The following FGF13 variants were observed in gnomAD, a reference collection of about 807,000 sequenced individuals.
The protein encoded by FGF13 is fibroblast growth factor 13.
In FGF13, 2 loss-of-function variants were observed where a neutral mutation model predicts 19.5. The observed-to-expected ratio is 0.10, with a 90% CI of 0.04 to 0.32. FGF13 has a LOEUF of 0.32. FGF13 is among the 10% of genes least tolerant of loss of function. The pLI is 1.00. For missense variants in FGF13, 113 were observed against 192.7 expected (o/e 0.59, Z 2.45); for synonymous variants, 72 against 76.9 (o/e 0.94, Z 0.33).
At chrX:138,805,228 A>C (rs1729453301) in intron 3 of FGF13, among the ~76,000 whole-genome samples, 1 of 111,867 alleles carries the variant, frequency 8.9e-6, no homozygotes, top group Non-Finnish European at 1.9e-5. Flanking sequence ...AACTTGGGGA[A>C]AATAAATATA....
At chrX:138,961,531 G>T (rs143977343) in intron 1 of FGF13, among the ~76,000 whole-genome samples, 2,251 of 111,690 alleles carry the variant, frequency 0.02, 63 homozygotes, top group African/African-American at 0.07. Flanking sequence ...AAAGCTGTCA[G>T]ACAGGGACGT....
At chrX:139,054,183 C>G (rs747925073) in intron 1 of FGF13, among the ~76,000 whole-genome samples, 3 of 89,845 alleles carry the variant, frequency 3.3e-5, no homozygotes, top group African/African-American at 1.3e-4. Context: ...AGTGCAGTGG[C>G]GCGATCTCGG....
At chrX:138,950,165 A>G (rs997738600) in intron 1 of FGF13, among the ~76,000 whole-genome samples, 1 of 112,121 alleles carries the variant, frequency 8.9e-6, no homozygotes, top group Non-Finnish European at 1.9e-5. Context: ...TCAGAAATGC[A>G]TTGAATCAAT....
chrX:139,075,152 C>T (rs1342554728), intron 1 of FGF13, among the ~76,000 whole-genome samples: 2 of 111,920 alleles, frequency 1.8e-5, no homozygotes, highest in East Asian at 2.8e-4. Context: ...ACAAAATGAT[C>T]GTTAGTTAAG....
chrX:138,846,393 G>T (rs1009204427), intron 3 of FGF13, among the ~76,000 whole-genome samples: 1 of 111,583 alleles, frequency 9.0e-6, no homozygotes, highest in African/African-American at 3.3e-5. Context: ...AGTCCTCTGT[G>T]AAGGTTTTAC....
At chrX:138,637,897 T>C (rs1056449519) in intron 3 of FGF13, among the ~76,000 whole-genome samples, 4 of 111,603 alleles carry the variant, frequency 3.6e-5, no homozygotes, top group Non-Finnish European at 5.7e-5. Context: ...AGAATAATAT[T>C]TGAAGCACAG....
chrX:138,772,404 A>C (rs758296027), intron 3 of FGF13, among the ~76,000 whole-genome samples: 218 of 109,452 alleles, frequency 2.0e-3, no homozygotes, highest in African/African-American at 6.5e-3. Context: ...AAAAGGGGAC[A>C]CCCGTACCTT....
chrX:138,700,447 T>C (rs757294240), intron 3 of FGF13, among the ~76,000 whole-genome samples: 1 of 111,255 alleles, frequency 9.0e-6, no homozygotes, highest in Non-Finnish European at 1.9e-5. Context: ...AACATGATAT[T>C]TCATTAAGCT....
At chrX:139,145,767 T>C (rs1321349412) in intron 1 of FGF13, among the ~76,000 whole-genome samples, 1 of 111,112 alleles carries the variant, frequency 9.0e-6, no homozygotes, top group Non-Finnish European at 1.9e-5. Context: ...CTTTCCTAGA[T>C]CCCAACACCC....
intron 1 of FGF13, among the ~76,000 whole-genome samples, chrX:138,945,588 G>A (rs1005989898): frequency 2.7e-5 from 3 of 111,848 alleles, no homozygotes; most frequent in African/African-American, 9.8e-5. Context: ...TTAACCCTTT[G>A]TCAGGGAAGT....
Position 138,646,889 on chromosome X carries a change from A to G in FGF13, c.403-11234T>C, listed in dbSNP as rs1322976693. ...GAAATACAAAGCGGAGAAAGACAAC[A>G]GAGAGTGAAAACACAGAAAGTTAAA... On this transcript the variant is annotated intron_variant, in intron 3 of 4. Transcript: ENST00000315930. Among the ~76,000 whole-genome samples, 3 of 111,972 alleles carry G rather than the reference A, an allele frequency of 2.7e-5. No individual in the cohort carries two copies. The Admixed American group carries it at 2.9e-4, about 11-fold the overall frequency.
At chrX:138,846,470 T>C (rs1348612217) in intron 3 of FGF13, among the ~76,000 whole-genome samples, 1 of 111,655 alleles carries the variant, frequency 9.0e-6, no homozygotes, top group African/African-American at 3.3e-5. Flanking sequence ...ATAATTTCAA[T>C]ATGGATGTGT....
upstream of FGF13, among the ~76,000 whole-genome samples, chrX:138,742,850 C>G (rs1387388825): frequency 8.9e-6 from 1 of 111,819 alleles, no homozygotes; most frequent in East Asian, 2.8e-4. Context: ...TTTAAAATGT[C>G]TGCAGAAGCC....
At chrX:138,911,129 G>C (rs969413690) in intron 1 of FGF13, among the ~76,000 whole-genome samples, 26 of 111,573 alleles carry the variant, frequency 2.3e-4, no homozygotes, top group African/African-American at 8.5e-4. Flanking sequence ...GTCAATAAAG[G>C]AGCAATTATC....
chrX:138,894,716 C>T (rs930944685), intron 1 of FGF13, among the ~76,000 whole-genome samples: 23 of 110,832 alleles, frequency 2.1e-4, no homozygotes, highest in African/African-American at 6.6e-4. Context: ...GATTCACAGC[C>T]GAATTCTACC....
At chrX:138,942,785 T>A (rs916287140) in intron 1 of FGF13, among the ~76,000 whole-genome samples, 1 of 111,706 alleles carries the variant, frequency 9.0e-6, no homozygotes, top group African/African-American at 3.3e-5. Flanking sequence ...ACAAGAAAAA[T>A]ACAACTGGGG....
rs189562846 is a variant in FGF13 at position 139,052,516 on chromosome X, C to T, written c.-113+150900G>A. 6.0e-3 allele frequency among the ~76,000 whole-genome samples: 673 copies of T among 112,016 alleles called. 2 individuals carry two copies. The highest frequency in any genetic ancestry group is 9.4e-3 in the Non-Finnish European group (502 of 53,159). On this transcript the variant is annotated intron_variant, in intron 1 of 2. Coordinates refer to the FGF13 transcript ENST00000421460. ...ACTTAAAGTAGATGCATAACAATTT[C>T]CCATTGAAACTCTTACAAAATTGCC...
At chrX:138,800,875 A>C (rs1355954296) in intron 3 of FGF13, among the ~76,000 whole-genome samples, 3 of 111,904 alleles carry the variant, frequency 2.7e-5, no homozygotes, top group Non-Finnish European at 5.6e-5. Context: ...TGATCAATTC[A>C]GCAACTGATA....
At chrX:139,161,296 C>T (rs1318324255) in intron 1 of FGF13, among the ~76,000 whole-genome samples, 1 of 111,825 alleles carries the variant, frequency 8.9e-6, no homozygotes, top group Non-Finnish European at 1.9e-5. Flanking sequence ...TTCAACACTC[C>T]TTCATGCTAA....
Sources: gnomAD v4.1 joint callset for allele counts (sites outside exome capture counted in the v4.1 genomes callset) on GRCh38, gnomAD v4.1.1 for gene constraint, MANE v1.5 for transcripts, NCBI Gene and HGNC (gene_info 2026-07-23, HGNC 2026-07-21) for gene names.